The following SNTG1 variants were observed in gnomAD, a reference collection of about 807,000 sequenced individuals.
SNTG1 encodes syntrophin gamma 1.
SNTG1 carries 39 observed loss-of-function variants against 74.7 expected under a neutral mutation model. The observed-to-expected ratio is 0.52, with a 90% CI of 0.40 to 0.68. The LOEUF is 0.68. Among genes scored for constraint, SNTG1 ranks in the 30% least tolerant of loss-of-function variants. The probability of loss-of-function intolerance (pLI) is 0.00; values close to 1 mark genes in which losing one functional copy is unlikely to be tolerated. For missense variants in SNTG1, 685 were observed against 609.5 expected (o/e 1.12, Z -1.30); for synonymous variants, 254 against 217.1 (o/e 1.17, Z -1.49).
chr8:50,134,681 C>T (rs185742622), intron 1 of SNTG1, among the ~76,000 whole-genome samples: 49 of 152,024 alleles, frequency 3.2e-4, no homozygotes, highest in Admixed American at 6.6e-4. Context: ...AAATGAGAGA[C>T]GCTGAGGTGT....
At chr8:50,319,164 G>A (rs539565789) in intron 2 of SNTG1, among the ~76,000 whole-genome samples, 6 of 152,096 alleles carry the variant, frequency 3.9e-5, no homozygotes, top group Non-Finnish European at 8.8e-5. Flanking sequence ...ACGATTTTTG[G>A]AAATGATTTC....
chr8:50,493,489 C>G (rs1303336047), intron 8 of SNTG1, among the ~76,000 whole-genome samples: 1 of 152,078 alleles, frequency 6.6e-6, no homozygotes, highest in Non-Finnish European at 1.5e-5. Context: ...AAACAATTGG[C>G]AAACCTTCAA....
chr8:50,492,764 T>C (rs527931119), intron 8 of SNTG1, among the ~76,000 whole-genome samples: 1 of 152,358 alleles, frequency 6.6e-6, no homozygotes, highest in African/African-American at 2.4e-5. Context: ...ATTTTGGCTT[T>C]TGTTGCCATT....
At chr8:50,341,085 T>C (rs1236805949) in intron 2 of SNTG1, among the ~76,000 whole-genome samples, 2 of 151,930 alleles carry the variant, frequency 1.3e-5, no homozygotes, top group Non-Finnish European at 2.9e-5. Flanking sequence ...TGTTGTTTGG[T>C]TGTATTTTTC....
chr8:50,784,593 A>G (rs2095669435), intron 18 of SNTG1, among the ~76,000 whole-genome samples: 1 of 152,188 alleles, frequency 6.6e-6, no homozygotes, highest in Non-Finnish European at 1.5e-5. Flanking sequence ...TTAGTTGTAG[A>G]CATCAGTACC....
intron 13 of SNTG1, among the ~76,000 whole-genome samples, chr8:50,651,112 C>A (rs921005915): frequency 5.9e-5 from 9 of 152,098 alleles, no homozygotes; most frequent in African/African-American, 2.2e-4. Flanking sequence ...TATGCTGATG[C>A]TTGCCATGAG....
At chr8:50,508,225 C>G (rs899138436) in intron 9 of SNTG1, among the ~76,000 whole-genome samples, 4 of 152,270 alleles carry the variant, frequency 2.6e-5, no homozygotes, top group Middle Eastern at 3.4e-3. Context: ...CCAGTTTCAT[C>G]CATGTCCTTA....
chr8:50,103,413 A>G (rs1209514999), intron 1 of SNTG1, among the ~76,000 whole-genome samples: 2 of 152,226 alleles, frequency 1.3e-5, no homozygotes, highest in South Asian at 2.1e-4. Flanking sequence ...TTGATTTTGT[A>G]TCCTGAGATT....
intron 8 of SNTG1, chr8:50,456,925 C>T (rs2093511708): frequency 6.6e-6 from 1 of 152,160 alleles, no homozygotes; most frequent in South Asian, 2.1e-4. Flanking sequence ...AGGATCTTCT[C>T]AGACACTCTC....
intron 4 of SNTG1, among the ~76,000 whole-genome samples, chr8:50,421,268 T>G (rs576076791): frequency 1.3e-5 from 2 of 152,276 alleles, no homozygotes; most frequent in South Asian, 4.1e-4. Flanking sequence ...GAATGGTTAC[T>G]TCATAGGCAG....
chr8:49,912,626 C>T lies in SNTG1; in HGVS notation c.-103+395C>T, dbSNP rs529779137. Reference sequence around the variant, plus strand: ...AAAAGTTAAAATAGAGAGGGTTTAACCATGCCCTCTAACATATTTTATATT... The same window carrying T: ...AAAAGTTAAAATAGAGAGGGTTTAATCATGCCCTCTAACATATTTTATATT... On this transcript the variant is annotated intron_variant, in intron 1 of 18. Coordinates refer to ENST00000642720, the MANE Select transcript of SNTG1 (RefSeq NM_018967.5). 3.3e-5 allele frequency among the ~76,000 whole-genome samples: 5 copies of T among 152,274 alleles called. No homozygotes were observed. The East Asian group carries it at 9.6e-4, about 29-fold the overall frequency.
intron 1 of SNTG1, among the ~76,000 whole-genome samples, chr8:50,082,890 C>T (rs1822538063): frequency 6.6e-6 from 1 of 152,146 alleles, no homozygotes; most frequent in Non-Finnish European, 1.5e-5. Flanking sequence ...ACATCCCGTG[C>T]TACTCCTACA....
chr8:50,477,314 T>C (rs2093704635), intron 8 of SNTG1, among the ~76,000 whole-genome samples: 1 of 152,164 alleles, frequency 6.6e-6, no homozygotes, highest in Non-Finnish European at 1.5e-5. Flanking sequence ...ATGAGAGTCC[T>C]ATCAATAGCA....
intron 8 of SNTG1, among the ~76,000 whole-genome samples, chr8:50,497,353 C>A (rs546832737): frequency 1.3e-5 from 2 of 151,900 alleles, no homozygotes; most frequent in South Asian, 4.2e-4. Context: ...GATTTTCATA[C>A]CATTATTTCT....
At chr8:50,547,360 G>A (rs1234469125) in intron 11 of SNTG1, among the ~76,000 whole-genome samples, 1 of 152,018 alleles carries the variant, frequency 6.6e-6, no homozygotes, top group Non-Finnish European at 1.5e-5. Flanking sequence ...CCTTCGTCTG[G>A]CATAAACCTC....
At chr8:50,644,194 G>A (rs1169735413) in intron 13 of SNTG1, 1 of 152,212 alleles carries the variant, frequency 6.6e-6, no homozygotes, top group Non-Finnish European at 1.5e-5. Context: ...GGATTTGTTA[G>A]GTGCTGTGGA....
At chr8:50,509,021 T>C (rs1440843866) in intron 9 of SNTG1, among the ~76,000 whole-genome samples, 2 of 151,998 alleles carry the variant, frequency 1.3e-5, no homozygotes, top group Non-Finnish European at 2.9e-5. Flanking sequence ...ATGGTATTGC[T>C]TAGGTTTTCT....
chr8:50,443,182 T>C (rs2131590145), intron 5 of SNTG1, among the ~76,000 whole-genome samples: 1 of 152,358 alleles, frequency 6.6e-6, no homozygotes, highest in South Asian at 2.1e-4. Flanking sequence ...AGCCATCGTC[T>C]TGCCCTTGTG....
chr8:50,203,849 G>T (rs2084089289), intron 2 of SNTG1, among the ~76,000 whole-genome samples: 2 of 151,984 alleles, frequency 1.3e-5, no homozygotes, highest in Admixed American at 1.3e-4. Flanking sequence ...AAGACTTTTA[G>T]TATAAAAATA....
Sources: allele counts gnomAD v4.1 joint callset (sites outside exome capture counted in the v4.1 genomes callset), GRCh38; gene constraint gnomAD v4.1.1; transcripts MANE v1.5; gene names NCBI Gene and HGNC (gene_info 2026-07-23, HGNC 2026-07-21).